Variants in DNAH6 observed in about 807,000 individuals in gnomAD.
The protein encoded by DNAH6 is dynein axonemal heavy chain 6.
In DNAH6, 340 loss-of-function variants were observed where a neutral mutation model predicts 491.4. The ratio of observed to expected loss-of-function variants is 0.69; its 90% CI spans 0.63 to 0.76. The LOEUF (loss-of-function observed/expected upper bound fraction) is 0.76. Ranked by LOEUF, DNAH6 falls within the 30% of genes least tolerant of loss-of-function variation. The pLI, the probability that DNAH6 is intolerant of heterozygous loss-of-function variation, is 0.00. For synonymous variants in DNAH6, 1,603 were observed against 1,686.1 expected, an observed-to-expected ratio of 0.95 and a Z score of 1.21; for missense variants, 4,443 against 4,972.2, an observed-to-expected ratio of 0.89 and a Z score of 3.20.
intron 26 of DNAH6, among the ~76,000 whole-genome samples, chr2:84,623,073 A>C (rs1190248940): frequency 1.3e-5 from 2 of 152,170 alleles, no homozygotes; most frequent in Non-Finnish European, 2.9e-5. Flanking sequence ...CCCTTGTCTT[A>C]CACCATACAC....
the DNAH6 span, among the ~76,000 whole-genome samples, chr2:84,471,994 C>T: frequency 6.6e-6 from 1 of 152,094 alleles, no homozygotes; most frequent in East Asian, 1.9e-4. Context: ...CAAGCAAATC[C>T]TCTTCCCCAT....
At chr2:84,749,382 T>G (rs1673254672) in intron 63 of DNAH6, among the ~76,000 whole-genome samples, 2 of 152,148 alleles carry the variant, frequency 1.3e-5, no homozygotes, top group Non-Finnish European at 2.9e-5. Context: ...AATGATGTAG[T>G]TAGACTAGGG....
chr2:84,619,004 A>T (rs1261644158), intron 23 of DNAH6, among the ~76,000 whole-genome samples: 1 of 152,214 alleles, frequency 6.6e-6, no homozygotes, highest in African/African-American at 2.4e-5. Flanking sequence ...GTAACTTGCC[A>T]ACCCCAATCT....
At chr2:84,761,075 C>T (rs1209798810) in intron 63 of DNAH6, among the ~76,000 whole-genome samples, 1 of 152,172 alleles carries the variant, frequency 6.6e-6, no homozygotes, top group Non-Finnish European at 1.5e-5. Context: ...CCTACATGTC[C>T]ATCAATGGAT....
At position 84,659,122 on chromosome 2, in the gene DNAH6, T is replaced by C; in HGVS notation, c.6037T>C (p.Phe2013Leu). Residue 2013 changes from phenylalanine to leucine, a missense_variant, in exon 37 of 77, where the codon TTT becomes CTT. Physicochemically the swap from Phe to Leu is conservative, Grantham distance 22 (BLOSUM62 0). Coordinates refer to ENST00000389394, the MANE Select transcript of DNAH6 (RefSeq NM_001370.2). ...CCTAACTGAAAACTACTATGATTCT[T>C]TTGATACATTTATTAGAACACAATT... ...GNLTENYYDSFDTFIRTQFDD... is the reference protein window; with the variant it reads ...GNLTENYYDSLDTFIRTQFDD... 1 of 1,513,950 alleles carries C rather than the reference T, an allele frequency of 6.6e-7. No homozygotes were observed. Among genetic ancestry groups the C allele is most frequent in the Non-Finnish European group, 8.9e-7 (1 of 1,118,932 alleles). The allele number at this position is 1,513,950 out of a possible 1,614,324, so 93.8% of individuals were successfully genotyped here. A position where few individuals can be genotyped will look rare whatever the true frequency, so the allele number is the denominator to read the frequency against.
chr2:84,670,234 T>G, intron 38 of DNAH6, 94 bp from the exon 39 acceptor site: 2 of 841,496 alleles, frequency 2.4e-6, no homozygotes, highest in Non-Finnish European at 1.8e-6. Context: ...CTCTCTCTTT[T>G]TATCCTGTTT....
At chr2:84,509,023 A>G in the DNAH6 span, among the ~76,000 whole-genome samples, 2 of 152,082 alleles carry the variant, frequency 1.3e-5, no homozygotes, top group African/African-American at 4.8e-5. Flanking sequence ...GCAGTGTGGC[A>G]CTGAGAAGAA....
chr2:84,800,393 C>T (rs2105299366), intron 70 of DNAH6, among the ~76,000 whole-genome samples: 1 of 152,258 alleles, frequency 6.6e-6, no homozygotes, highest in South Asian at 2.1e-4. Flanking sequence ...AGTTCCCTAG[C>T]AATGGATCCT....
intron 20 of DNAH6, among the ~76,000 whole-genome samples, chr2:84,606,215 G>A (rs1685747056): frequency 6.6e-6 from 1 of 152,298 alleles, no homozygotes; most frequent in East Asian, 1.9e-4. Context: ...TGGCCTAATA[G>A]GGTGTATCCA....
the DNAH6 span, among the ~76,000 whole-genome samples, chr2:84,490,426 C>T: frequency 6.6e-6 from 1 of 152,068 alleles, no homozygotes. Context: ...TATAGAACTC[C>T]TCCCTCACCT....
chr2:84,542,171 T>A (rs1022581707), intron 4 of DNAH6, among the ~76,000 whole-genome samples: 1 of 152,188 alleles, frequency 6.6e-6, no homozygotes, highest in Non-Finnish European at 1.5e-5. Context: ...AGCAGATAGA[T>A]CACACAGAGC....
chr2:84,781,701 C>T (rs1352279186), intron 65 of DNAH6, 48 bp downstream of exon 65: 3 of 1,486,744 alleles, frequency 2.0e-6, no homozygotes, highest in Non-Finnish European at 2.7e-6. Context: ...TTTTATGTAA[C>T]CTTTTCTTGT....
In DNAH6 at chr2:84,733,534, G is replaced by A. The variant is rs187550990; in HGVS notation, c.10297G>A (p.Gly3433Arg). Residue 3433 changes from glycine (G) to arginine (R), a missense_variant, in exon 62 of 77, where the codon GGA (glycine) becomes AGA (arginine). Gly to Arg is a moderately radical substitution (Grantham distance 125, BLOSUM62 -2). This residue lies in a region of DNAH6 where 1,463 missense variants were observed against 1,656.6 expected (regional missense o/e 0.88). Transcript: ENST00000389394. ...DLEESFPVFH[G>R]LTQNILSHPI... ...GGAAGAATCATTTCCAGTTTTTCAC[G>A]GACTTACCCAAAATATATTGTCACA... 1.6e-5 allele frequency: 25 copies of A among 1,551,474 alleles called. 1 individual carries two copies. In the Admixed American group the frequency reaches 2.5e-4, roughly 16 times the overall value.
At chr2:84,755,676 C>T (rs1373971925) in intron 63 of DNAH6, among the ~76,000 whole-genome samples, 2 of 152,122 alleles carry the variant, frequency 1.3e-5, no homozygotes, top group African/African-American at 2.4e-5. Flanking sequence ...ACCTACAACA[C>T]AATGTTGAAT....
chr2:84,668,859 T>TGTGTGTGTGA (rs1244547628), intron 37 of DNAH6, among the ~76,000 whole-genome samples: 2 of 6,990 alleles, frequency 2.9e-4, no homozygotes, highest in African/African-American at 7.2e-4. Context: ...TGTGTGTGTA[T>TGTGTGTGTGA]GATTGTAATA....
chr2:84,797,720 T>A (rs1678487603), intron 70 of DNAH6, 62 bp downstream of exon 70: 1 of 1,289,668 alleles, frequency 7.8e-7, no homozygotes, highest in East Asian at 2.5e-5. Flanking sequence ...AAAACATCAA[T>A]AATCACCCCC....
At chr2:84,505,197 A>G in the DNAH6 span, among the ~76,000 whole-genome samples, 1 of 152,178 alleles carries the variant, frequency 6.6e-6, no homozygotes, top group Admixed American at 6.5e-5. Context: ...TTGTGGGTTG[A>G]TCATGTATCC....
intron 14 of DNAH6, among the ~76,000 whole-genome samples, chr2:84,582,524 T>C (rs1013486836): frequency 1.3e-5 from 2 of 152,198 alleles, no homozygotes; most frequent in African/African-American, 4.8e-5. Context: ...CCATCTCAGC[T>C]CACTGCAAGC....
At chr2:84,508,300 G>A in the DNAH6 span, among the ~76,000 whole-genome samples, 1 of 152,238 alleles carries the variant, frequency 6.6e-6, no homozygotes, top group Admixed American at 6.5e-5. Flanking sequence ...TCTTGGGAGA[G>A]TGTATGTGTC....
Sources: gnomAD v4.1 joint callset for allele counts (sites outside exome capture counted in the v4.1 genomes callset) on GRCh38, gnomAD v4.1.1 for gene constraint, gnomAD v4.1.1 regional missense constraint, MANE v1.5 for transcripts, NCBI Gene and HGNC (gene_info 2026-07-23, HGNC 2026-07-21) for gene names.